IFT52: variants seen among roughly 807,000 people sequenced by gnomAD.
The protein encoded by IFT52 is intraflagellar transport 52.
A neutral mutation model predicts 54.4 loss-of-function variants in IFT52; 44 were observed. The observed-to-expected ratio is 0.81, with a 90% CI of 0.63 to 1.04. IFT52 has a LOEUF of 1.04. Ranked by LOEUF, IFT52 falls within the 50% of genes least tolerant of loss-of-function variation. IFT52 has a pLI of 0.00. For synonymous variants in IFT52, 181 were observed against 185.3 expected, an observed-to-expected ratio of 0.98 and a Z score of 0.19; for missense variants, 452 against 523.6, an observed-to-expected ratio of 0.86 and a Z score of 1.33.
intron 6 of IFT52, among the ~76,000 whole-genome samples, chr20:43,606,330 G>C (rs1382205736): frequency 1.4e-5 from 2 of 144,708 alleles, no homozygotes; most frequent in Admixed American, 1.4e-4. Flanking sequence ...CTGGAGTGCA[G>C]TGGCATGATC....
At chr20:43,622,747 G>A (rs1429362762) in intron 9 of IFT52, among the ~76,000 whole-genome samples, 1 of 110,028 alleles carries the variant, frequency 9.1e-6, no homozygotes, top group Non-Finnish European at 1.8e-5. Flanking sequence ...ATATTTTTAT[G>A]TAAATATAAA....
rs1332105376 is a variant in IFT52 at position 43,642,591 on chromosome 20, C to T, written c.1233C>T (p.Phe411=). The change falls in exon 13 of 14, where the codon TTC becomes TTT. Residue 411 remains phenylalanine (F), a synonymous_variant. Transcript: ENST00000373030. ...CCAAACATATCCTTGAGCACGTCTT[C>T]TTCCAAGTGGTGGAGTTCAAGAAAT... The part of the protein sequence containing the change: ...QDAKHILEHV[F]FQVVEFKKLN... 2 of 1,614,194 alleles carry T rather than the reference C, an allele frequency of 1.2e-6. No homozygotes were observed. The highest frequency in any genetic ancestry group is 3.3e-5 in the Admixed American group (2 of 60,014).
At chr20:43,622,810 A>T (rs1984439221) in intron 9 of IFT52, among the ~76,000 whole-genome samples, 1 of 148,616 alleles carries the variant, frequency 6.7e-6, no homozygotes. Flanking sequence ...ATATGTAAAT[A>T]TAAATATATA....
chr20:43,614,128 T>C, intron 7 of IFT52, 152 bp downstream of exon 7: 2 of 685,682 alleles, frequency 2.9e-6, no homozygotes, highest in Non-Finnish European at 4.8e-6. Context: ...ACATTTTGCT[T>C]ATGGGGAAAC....
At chr20:43,620,124 C>G (rs569391867) in intron 8 of IFT52, among the ~76,000 whole-genome samples, 3 of 151,728 alleles carry the variant, frequency 2.0e-5, no homozygotes, top group African/African-American at 7.2e-5. Context: ...ACTATGTTGG[C>G]CAGGCTGGTC....
At chr20:43,625,007 G>C (rs540129637) in intron 10 of IFT52, among the ~76,000 whole-genome samples, 1 of 152,160 alleles carries the variant, frequency 6.6e-6, no homozygotes, top group East Asian at 1.9e-4. Context: ...GCAAGTATTT[G>C]TGGCACAACT....
chr20:43,603,621 T>G, intron 3 of IFT52, 139 bp from the exon 4 acceptor site: 1 of 731,026 alleles, frequency 1.4e-6, no homozygotes, highest in South Asian at 1.9e-5. Flanking sequence ...AGAGAGTACT[T>G]TTTATCTTAT....
In IFT52 at chr20:43,629,799, TAAC is replaced by T. The variant is rs1049585331; in HGVS notation, c.923+5758_923+5760del. Among the ~76,000 whole-genome samples the T allele has an allele frequency of 7.9e-5, 12 of 152,316 alleles. No individual in the cohort carries two copies. The East Asian group carries it at 2.1e-3, about 27-fold the overall frequency. ...TCATCTCCCCTTCCTTCAATATTAATAACAACTAACATTTATGTACTTTGCATT... is the reference window on the plus strand; with the variant it reads ...TCATCTCCCCTTCCTTCAATATTAATAACTAACATTTATGTACTTTGCATT... On this transcript the variant is annotated intron_variant, in intron 10 of 13. Coordinates refer to ENST00000373030, the MANE Select transcript of IFT52 (RefSeq NM_016004.5).
At chr20:43,616,240 C>T (rs1983847654) in intron 7 of IFT52, among the ~76,000 whole-genome samples, 1 of 152,062 alleles carries the variant, frequency 6.6e-6, no homozygotes, top group Non-Finnish European at 1.5e-5. Context: ...AGCGTGGTGG[C>T]TCACAACTGT....
At chr20:43,598,944 C>T (rs2145589100) in intron 3 of IFT52, among the ~76,000 whole-genome samples, 1 of 152,224 alleles carries the variant, frequency 6.6e-6, no homozygotes, top group East Asian at 1.9e-4. Flanking sequence ...TGCTGTTACT[C>T]TGGGTGGTGC....
chr20:43,643,005 A>G (rs1323292130), intron 13 of IFT52, among the ~76,000 whole-genome samples: 1 of 151,970 alleles, frequency 6.6e-6, no homozygotes, highest in African/African-American at 2.4e-5. Flanking sequence ...CCTCTCCACT[A>G]AAAATACAAA....
chr20:43,604,992 C>A lies in IFT52; in HGVS notation c.414-10C>A. 1 of 1,612,496 alleles carries A rather than the reference C, an allele frequency of 6.2e-7. No homozygotes were observed. Among genetic ancestry groups the A allele is most frequent in the South Asian group, 1.1e-5 (1 of 90,988 alleles). ...TTTTGTTTACTAGATTTTAATTTTT[C>A]TTCTTCAAGGGAAATTAGCCGAGCT... On this transcript the variant is annotated splice_polypyrimidine_tract_variant and intron_variant, in intron 5 of 13. Coordinates refer to ENST00000373030, the MANE Select transcript of IFT52 (RefSeq NM_016004.5).
intron 13 of IFT52, among the ~76,000 whole-genome samples, chr20:43,642,904 C>A (rs777311079): frequency 6.6e-6 from 1 of 152,082 alleles, no homozygotes; most frequent in South Asian, 2.1e-4. Context: ...CAGTGGCTCA[C>A]GCCTGTAATC....
intron 3 of IFT52, among the ~76,000 whole-genome samples, chr20:43,598,092 G>A (rs562055437): frequency 5.3e-5 from 8 of 152,212 alleles, no homozygotes; most frequent in African/African-American, 1.9e-4. Context: ...ACATACAATG[G>A]AATATTATTC....
At chr20:43,642,704 A>G in intron 13 of IFT52, 80 bp downstream of exon 13, 1 of 1,374,346 alleles carries the variant, frequency 7.3e-7, no homozygotes, top group Non-Finnish European at 1.0e-6. Flanking sequence ...GCCATGTTTT[A>G]TGACGTTGAT....
At chr20:43,641,939 C>A (rs2145680190) in intron 12 of IFT52, among the ~76,000 whole-genome samples, 1 of 152,108 alleles carries the variant, frequency 6.6e-6, no homozygotes, top group Middle Eastern at 3.4e-3. Flanking sequence ...GATTACAGGC[C>A]TGCATCACCA....
In IFT52 at chr20:43,594,747, G is replaced by A. The variant is rs1981798786; in HGVS notation, c.49G>A (p.Glu17Lys). 6.2e-7 allele frequency: 1 copy of A among 1,613,454 alleles called. No homozygotes were observed. Residue 17 changes from glutamate to lysine, a missense_variant, in exon 2 of 14, where the codon GAG (glutamate) becomes AAG (lysine). Physicochemically the swap from Glu to Lys is moderately conservative, Grantham distance 56 (BLOSUM62 1). Transcript: ENST00000373030. ...CATTCTTTTCAATGCCTACAAAAAG[G>A]AGATATTTACCACCAACAATGGCTA... Reference protein sequence around the residue: ...STILFNAYKKEIFTTNNGYKS... With the variant: ...STILFNAYKKKIFTTNNGYKS...
intron 13 of IFT52, among the ~76,000 whole-genome samples, chr20:43,643,090 C>T (rs1056357321): frequency 4.3e-4 from 66 of 151,970 alleles, no homozygotes; most frequent in African/African-American, 1.5e-3. Flanking sequence ...TCACTTGAAC[C>T]CAGAAGGCAG....
At chr20:43,600,288 C>G (rs932429895) in intron 3 of IFT52, among the ~76,000 whole-genome samples, 1 of 151,824 alleles carries the variant, frequency 6.6e-6, no homozygotes, top group African/African-American at 2.4e-5. Context: ...TACTGACTAA[C>G]TCTTGGTAAA....
Sources: gnomAD v4.1 joint callset for allele counts (sites outside exome capture counted in the v4.1 genomes callset) on GRCh38, gnomAD v4.1.1 for gene constraint, MANE v1.5 for transcripts, NCBI Gene and HGNC (gene_info 2026-07-23, HGNC 2026-07-21) for gene names.